The following XKR9 variants were observed in gnomAD, a reference collection of about 807,000 sequenced individuals.
XKR9 encodes XK-related protein 9.
Under a neutral mutation model 32.0 loss-of-function variants are expected in XKR9, and 32 were observed. The ratio of observed to expected loss-of-function variants is 1.00; its 90% CI spans 0.76 to 1.34. The LOEUF (loss-of-function observed/expected upper bound fraction) is 1.34, where lower values mean the gene tolerates loss of function less well. Ranked by LOEUF, XKR9 falls within the 40% of genes most tolerant of loss-of-function variation. The pLI is 0.00. For synonymous variants in XKR9, 168 were observed against 143.4 expected, an observed-to-expected ratio of 1.17 and a Z score of -1.22; for missense variants, 546 against 429.7, an observed-to-expected ratio of 1.27 and a Z score of -2.39.
intron 2 of XKR9, among the ~76,000 whole-genome samples, chr8:70,787,937 G>C (rs928286723): frequency 7.9e-5 from 12 of 151,904 alleles, no homozygotes; most frequent in African/African-American, 2.9e-4. Flanking sequence ...AAATTAAGAG[G>C]AATAGGTCCA....
At chr8:70,738,292 A>G (rs944775643), downstream of XKR9, among the ~76,000 whole-genome samples, 2 of 143,728 alleles carry the variant, frequency 1.4e-5, no homozygotes, top group African/African-American at 5.0e-5. Flanking sequence ...GGTAGTTTGT[A>G]TTTCTGTGGG....
the XKR9 span, among the ~76,000 whole-genome samples, chr8:71,028,930 G>A: frequency 6.6e-6 from 1 of 150,392 alleles, no homozygotes; most frequent in Admixed American, 6.6e-5. Context: ...GAGAGACAGA[G>A]AAATTTGGAG....
the XKR9 span, among the ~76,000 whole-genome samples, chr8:70,978,064 T>G: frequency 2.1e-4 from 32 of 152,148 alleles, no homozygotes; most frequent in Admixed American, 5.9e-4. Context: ...CAACCCATGC[T>G]TTTTTTGCTT....
the XKR9 span, among the ~76,000 whole-genome samples, chr8:70,892,656 T>G: frequency 1.3e-5 from 2 of 152,182 alleles, no homozygotes; most frequent in African/African-American, 2.4e-5. Context: ...TTTGAATGTA[T>G]CATTCCATTC....
chr8:70,928,868 T>C, the XKR9 span, among the ~76,000 whole-genome samples: 1 of 152,146 alleles, frequency 6.6e-6, no homozygotes, highest in East Asian at 1.9e-4. Context: ...CAAATCCAAC[T>C]ATAGGAGTTG....
At chr8:71,004,811 C>T in the XKR9 span, among the ~76,000 whole-genome samples, 103 of 152,168 alleles carry the variant, frequency 6.8e-4, no homozygotes, top group East Asian at 0.017. Context: ...ATGGGGAAAT[C>T]TCTCACTTGG....
the XKR9 span, among the ~76,000 whole-genome samples, chr8:71,014,086 T>C: frequency 6.6e-6 from 1 of 152,086 alleles, no homozygotes; most frequent in East Asian, 1.9e-4. Context: ...CTCCGGAGTT[T>C]TCATGAGTCC....
At chr8:70,834,039 T>C in the XKR9 span, among the ~76,000 whole-genome samples, 1 of 152,136 alleles carries the variant, frequency 6.6e-6, no homozygotes, top group Non-Finnish European at 1.5e-5. Context: ...TATGGAATAT[T>C]ACTAAAGACG....
chr8:71,000,215 G>A, the XKR9 span, among the ~76,000 whole-genome samples: 3 of 152,322 alleles, frequency 2.0e-5, no homozygotes, highest in East Asian at 3.9e-4. Context: ...ATGATTTAGT[G>A]TTATTAAATG....
chr8:70,734,613 G>A lies in XKR9; in HGVS notation c.*189G>A. ...TCTCATTTGGTTTTGAAGATCTTGA[G>A]TACTCAGATATCTTTCTACTGCCTG... On this transcript the variant is annotated 3_prime_UTR_variant, in exon 5 of 5. Transcript: ENST00000408926. 1.5e-6 allele frequency: 1 copy of A among 688,746 alleles called. No individual in the cohort carries two copies. Among genetic ancestry groups the A allele is most frequent in the Non-Finnish European group, 2.0e-6 (1 of 505,780 alleles). 42.7% of individuals were successfully genotyped at this position (688,746 alleles called of 1,614,324 possible).
chr8:70,790,559 A>C (rs1265184498), downstream of XKR9, among the ~76,000 whole-genome samples: 1 of 152,024 alleles, frequency 6.6e-6, no homozygotes, highest in East Asian at 1.9e-4. Context: ...CTTCCTTTGC[A>C]TGCAGCAGGG....
the XKR9 span, among the ~76,000 whole-genome samples, chr8:70,838,983 T>C: frequency 6.6e-6 from 1 of 152,102 alleles, no homozygotes; most frequent in East Asian, 1.9e-4. Flanking sequence ...TTTTCAGCTC[T>C]CTAATATATT....
At chr8:70,887,388 A>G in the XKR9 span, among the ~76,000 whole-genome samples, 4 of 152,012 alleles carry the variant, frequency 2.6e-5, no homozygotes, top group South Asian at 2.1e-4. Flanking sequence ...TTTGCTTAGA[A>G]TTGTCTTGGC....
downstream of XKR9, among the ~76,000 whole-genome samples, chr8:70,790,679 A>G (rs987840155): frequency 5.9e-5 from 9 of 152,232 alleles, no homozygotes; most frequent in Middle Eastern, 3.4e-3. Flanking sequence ...CCTATCTCAG[A>G]GTCCCCAAAA....
intron 2 of XKR9, among the ~76,000 whole-genome samples, chr8:70,753,533 C>T (rs1168500533): frequency 1.3e-5 from 2 of 152,044 alleles, no homozygotes; most frequent in Non-Finnish European, 2.9e-5. Context: ...ACTGGCAAAC[C>T]GAATCCAGCA....
chr8:70,721,855 C>T (rs1431452465), intron 4 of XKR9, among the ~76,000 whole-genome samples: 3 of 152,042 alleles, frequency 2.0e-5, no homozygotes, highest in Non-Finnish European at 4.4e-5. Context: ...CCTGAATATC[C>T]TTGTTAATTT....
At chr8:70,782,306 A>G (rs1807627890) in intron 2 of XKR9, among the ~76,000 whole-genome samples, 1 of 152,132 alleles carries the variant, frequency 6.6e-6, no homozygotes, top group Non-Finnish European at 1.5e-5. Context: ...GTATACATTT[A>G]TGGAATAAAA....
chr8:70,945,175 A>G, the XKR9 span, among the ~76,000 whole-genome samples: 1 of 152,212 alleles, frequency 6.6e-6, no homozygotes, highest in South Asian at 2.1e-4. Context: ...AACTAAACTA[A>G]TATGTTCATT....
the XKR9 span, among the ~76,000 whole-genome samples, chr8:71,002,751 A>G: frequency 6.6e-6 from 1 of 152,376 alleles, no homozygotes; most frequent in African/African-American, 2.4e-5. Context: ...TCAGACATGG[A>G]AACATAAACA....
Sources: gnomAD v4.1 joint callset for allele counts (sites outside exome capture counted in the v4.1 genomes callset) on GRCh38, gnomAD v4.1.1 for gene constraint, MANE v1.5 for transcripts, NCBI Gene and HGNC (gene_info 2026-07-23, HGNC 2026-07-21) for gene names.